Variants in ADGRB1 observed in about 807,000 individuals in gnomAD.
ADGRB1 encodes adhesion G protein-coupled receptor B1.
Under a neutral mutation model 175.7 loss-of-function variants are expected in ADGRB1, and 36 were observed. The ratio of observed to expected loss-of-function variants is 0.20; its 90% confidence interval spans 0.16 to 0.27. ADGRB1 has a LOEUF of 0.27. ADGRB1 is among the 10% of genes least tolerant of loss of function. The pLI is 1.00. For missense variants in ADGRB1, 1,731 were observed against 2,255.3 expected (o/e 0.77, Z 4.71); for synonymous variants, 1,054 against 979.4 (o/e 1.08, Z -1.42).
chr8:142,488,889 G>A, intron 14 of ADGRB1, 146 bp from the exon 15 acceptor site: 1 of 1,000,150 alleles, frequency 1.0e-6, no homozygotes, highest in Non-Finnish European at 1.5e-6. Flanking sequence ...CCGTGGGTGG[G>A]TGGGCCTCAC....
Position 142,484,668 on chromosome 8 carries a change from G to A in ADGRB1, c.2212G>A (p.Ala738Thr), listed in dbSNP as rs772049449. ...WEEAQLAGPN[A>T]KELFRLVEDF... Reference sequence around the variant, plus strand: ...CCCTGCCCTCCAGGCGGGCCCCAACGCCAAGGAGCTGTTCCGGCTGGTGGA... The same window carrying A: ...CCCTGCCCTCCAGGCGGGCCCCAACACCAAGGAGCTGTTCCGGCTGGTGGA... The change falls in exon 13 of 31, where the codon GCC becomes ACC. Residue 738 changes from alanine to threonine, a missense_variant. Ala to Thr is a moderately conservative substitution (Grantham distance 58). This residue lies in a region of ADGRB1 where 388 missense variants were observed against 630.9 expected (regional missense o/e 0.61). Transcript: ENST00000517894. The A allele has an allele frequency of 3.7e-5, 59 of 1,610,078 alleles. No individual in the cohort carries two copies. The highest frequency in any genetic ancestry group is 1.6e-4 in the Middle Eastern group (1 of 6,072).
intron 17 of ADGRB1, among the ~76,000 whole-genome samples, chr8:142,496,316 A>T (rs1842215087): frequency 1.3e-5 from 2 of 148,922 alleles, no homozygotes; most frequent in Admixed American, 1.3e-4. Context: ...GGAGGTATGG[A>T]TGGGTGGGTG....
At chr8:142,527,664 C>T (rs1196691680) in intron 24 of ADGRB1, among the ~76,000 whole-genome samples, 1 of 152,172 alleles carries the variant, frequency 6.6e-6, no homozygotes, top group African/African-American at 2.4e-5. Context: ...CACCCTGTCC[C>T]ACACTGCTCC....
intron 22 of ADGRB1, 149 bp downstream of exon 22, chr8:142,522,859 G>A (rs1843932851): frequency 1.1e-6 from 1 of 901,314 alleles, no homozygotes; most frequent in Non-Finnish European, 1.5e-6. Flanking sequence ...CCCAGGGGCT[G>A]GAGGCTGAGC....
chr8:142,522,732 G>A (rs1380355119), intron 22 of ADGRB1, 22 bp downstream of exon 22: 8 of 1,481,020 alleles, frequency 5.4e-6, no homozygotes, highest in Admixed American at 5.6e-5. Context: ...CATTGGGGGT[G>A]TGGTGGATGG....
intron 17 of ADGRB1, among the ~76,000 whole-genome samples, chr8:142,499,000 C>G (rs2131943473): frequency 6.6e-6 from 1 of 152,306 alleles, no homozygotes; most frequent in Non-Finnish European, 1.5e-5. Context: ...CAGGCCTGCC[C>G]CAACCACAGG....
At position 142,508,019 on chromosome 8, in the gene ADGRB1, C is replaced by T. The variant is rs549480030; in HGVS notation, c.2676-2913C>T. Among the ~76,000 whole-genome samples the T allele has an allele frequency of 2.0e-5, 3 of 152,146 alleles. No homozygotes were observed. In the South Asian group the frequency reaches 6.2e-4, roughly 32 times the overall value. The stretch of plus-strand genomic sequence containing the variant: ...CAGGGAGGCAGCGATTATCCAACGT[C>T]ACATAGCAAGACAGCGGTGGGCCTG... On this transcript the variant is annotated intron_variant, in intron 17 of 30. Coordinates refer to ENST00000517894, the MANE Select transcript of ADGRB1 (RefSeq NM_001702.3).
rs1845496920 is a variant in ADGRB1 at position 142,544,921 on chromosome 8, A to T, written c.*504A>T. On this transcript the variant is annotated 3_prime_UTR_variant, in exon 31 of 31. Transcript: ENST00000517894. ...TCCGACCCTCATGGCCCCCAGGGGCAGGACTGAGTCCCCTCCAGGAAGAAG... is the reference window on the plus strand; with the variant it reads ...TCCGACCCTCATGGCCCCCAGGGGCTGGACTGAGTCCCCTCCAGGAAGAAG... The T allele has an allele frequency of 6.5e-6, 1 of 153,192 alleles. No individual in the cohort carries two copies. Among genetic ancestry groups the T allele is most frequent in the Non-Finnish European group, 1.5e-5 (1 of 68,560 alleles). 9.5% of individuals were successfully genotyped at this position (153,192 alleles called of 1,614,324 possible). A position where few individuals can be genotyped will look rare whatever the true frequency, so the allele number is the denominator to read the frequency against.
At chr8:142,529,340 T>TTG (rs141219376) in intron 24 of ADGRB1, among the ~76,000 whole-genome samples, 260 of 150,924 alleles carry the variant, frequency 1.7e-3, no homozygotes, top group South Asian at 5.7e-3. Flanking sequence ...GCAGATGTGT[T>TTG]TGTGTGTGTG....
intron 14 of ADGRB1, among the ~76,000 whole-genome samples, chr8:142,488,762 T>TA (rs941088438): frequency 4.5e-4 from 68 of 152,280 alleles, no homozygotes; most frequent in African/African-American, 1.5e-3. Flanking sequence ...AGGACCCTGT[T>TA]ACCTGGAAGA....
intron 1 of ADGRB1, among the ~76,000 whole-genome samples, chr8:142,450,324 T>C (rs184301898): frequency 6.8e-6 from 1 of 147,084 alleles, no homozygotes; most frequent in African/African-American, 2.5e-5. Context: ...ATGTGGCAGG[T>C]CCCCGCGAGC....
At chr8:142,507,768 T>C (rs2132019883) in intron 17 of ADGRB1, among the ~76,000 whole-genome samples, 1 of 152,306 alleles carries the variant, frequency 6.6e-6, no homozygotes, top group Non-Finnish European at 1.5e-5. Flanking sequence ...GTGCTGTGCC[T>C]GGCCTGGGTT....
Position 142,539,400 on chromosome 8 carries a change from G to T in ADGRB1, c.3693G>T (p.Leu1231=). 1.2e-6 allele frequency: 2 copies of T among 1,600,492 alleles called. No individual in the cohort carries two copies. Among genetic ancestry groups the T allele is most frequent in the East Asian group, 2.3e-5 (1 of 44,102 alleles). Residue 1231 remains leucine, a synonymous_variant, in exon 27 of 31, where the codon CTG becomes CTT. Coordinates refer to ENST00000517894, the MANE Select transcript of ADGRB1 (RefSeq NM_001702.3). The part of the protein sequence containing the change: ...LMTDFEKDVD[L]ACRSVLNKDI... ...CCGACTTCGAGAAGGACGTGGATCTGGCCTGTAGATCAGGTGAGCGCCCGA... is the reference window on the plus strand; with the variant it reads ...CCGACTTCGAGAAGGACGTGGATCTTGCCTGTAGATCAGGTGAGCGCCCGA...
intron 20 of ADGRB1, 106 bp downstream of exon 20, chr8:142,521,031 C>A: frequency 1.8e-6 from 2 of 1,132,134 alleles, no homozygotes; most frequent in Non-Finnish European, 2.5e-6. Context: ...CTCAGGCAGG[C>A]GGGTGTGGGG....
At chr8:142,502,432 GTGGTA>G (rs1842651223) in intron 17 of ADGRB1, among the ~76,000 whole-genome samples, 2 of 5,266 alleles carry the variant, frequency 3.8e-4, no homozygotes, top group African/African-American at 1.8e-3. Context: ...GGTGGTGGTG[GTGGTA>G]GTGGTGGTGA....
chr8:142,464,372 C>A lies in ADGRB1; in HGVS notation c.174C>A (p.Ala58=). 6.6e-7 allele frequency: 1 copy of A among 1,522,956 alleles called. No homozygotes were observed. Among genetic ancestry groups the A allele is most frequent in the Non-Finnish European group, 8.8e-7 (1 of 1,139,350 alleles). The allele number at this position is 1,522,956 out of a possible 1,614,324, so 94.3% of individuals were successfully genotyped here. ...AGTTCTTCGGCTACTTCTCCGCGGC[C>A]GCCGTGTTCCCGGCCAACGCCTCGC... The part of the protein sequence containing the change: ...QGKFFGYFSA[A]AVFPANASRC... The change falls in exon 2 of 31, where the codon GCC becomes GCA. Residue 58 remains alanine (A), a synonymous_variant. Coordinates refer to ENST00000517894, the MANE Select transcript of ADGRB1 (RefSeq NM_001702.3).
intron 26 of ADGRB1, 124 bp from the exon 27 acceptor site, chr8:142,539,250 G>A: frequency 1.0e-6 from 1 of 976,738 alleles, no homozygotes; most frequent in Non-Finnish European, 1.5e-6. Flanking sequence ...ACTGGGCTGT[G>A]GACATGGACA....
intron 5 of ADGRB1, 43 bp downstream of exon 5, chr8:142,477,321 C>A: frequency 6.3e-7 from 1 of 1,582,446 alleles, no homozygotes. Flanking sequence ...GCCAGGGCAG[C>A]GGGGGGCCAG....
At chr8:142,469,563 ATG>A (rs1255769972) in intron 2 of ADGRB1, among the ~76,000 whole-genome samples, 16 of 99,594 alleles carry the variant, frequency 1.6e-4, no homozygotes, top group South Asian at 1.1e-3. Context: ...ATGTGTGTGA[ATG>A]TGTGTGCATG....
Sources: gnomAD v4.1 joint callset for allele counts (sites outside exome capture counted in the v4.1 genomes callset) on GRCh38, gnomAD v4.1.1 for gene constraint, gnomAD v4.1.1 regional missense constraint, MANE v1.5 for transcripts, NCBI Gene and HGNC (gene_info 2026-07-23, HGNC 2026-07-21) for gene names.